AGBL4: variants seen among roughly 807,000 people sequenced by gnomAD.
AGBL4 encodes the protein cytosolic carboxypeptidase 6.
A neutral mutation model predicts 66.4 loss-of-function variants in AGBL4; 58 were observed. The observed-to-expected ratio is 0.87, with a 90% CI of 0.71 to 1.09. The LOEUF (loss-of-function observed/expected upper bound fraction) is 1.09. AGBL4 is among the 50% of genes least tolerant of loss of function. The probability of loss-of-function intolerance (pLI) is 0.00; values close to 1 mark genes in which losing one functional copy is unlikely to be tolerated. For missense variants in AGBL4, 579 were observed against 631.0 expected (o/e 0.92, Z 0.88); for synonymous variants, 234 against 222.9 (o/e 1.05, Z -0.44).
chr1:48,866,641 T>A (rs1648116963), intron 6 of AGBL4, among the ~76,000 whole-genome samples: 2 of 152,190 alleles, frequency 1.3e-5, no homozygotes, highest in Non-Finnish European at 2.9e-5. Context: ...AGGCCAGATG[T>A]CAGCTATAGA....
intron 4 of AGBL4, among the ~76,000 whole-genome samples, chr1:49,182,865 A>T (rs911076730): frequency 6.6e-6 from 1 of 152,172 alleles, no homozygotes; most frequent in African/African-American, 2.4e-5. Context: ...CCAAGAAATA[A>T]CAGATATTCA....
intron 1 of AGBL4, among the ~76,000 whole-genome samples, chr1:50,011,974 A>C (rs1661570399): frequency 1.3e-5 from 2 of 152,044 alleles, no homozygotes; most frequent in South Asian, 4.1e-4. Flanking sequence ...CCTGGCTAAC[A>C]AGGTGAAACC....
Position 49,935,366 on chromosome 1 carries a change from G to C in AGBL4, c.35-83848C>G, listed in dbSNP as rs963264258. On this transcript the variant is annotated intron_variant, in intron 1 of 13. Coordinates refer to ENST00000371839, the MANE Select transcript of AGBL4 (RefSeq NM_032785.4). ...TGGGTGGAGCCCACCACAGCTCAAGGTTGCCTGCCTGCCTCTGTAGGCTCC... is the reference window on the plus strand; with the variant it reads ...TGGGTGGAGCCCACCACAGCTCAAGCTTGCCTGCCTGCCTCTGTAGGCTCC... Among the ~76,000 whole-genome samples the C allele has an allele frequency of 1.2e-4, 19 of 152,342 alleles. 1 individual carries two copies. The highest frequency in any genetic ancestry group is 1.2e-3 in the East Asian group (6 of 5,172).
intron 2 of AGBL4, among the ~76,000 whole-genome samples, chr1:49,733,419 C>G (rs1044122922): frequency 6.6e-6 from 1 of 152,130 alleles, no homozygotes; most frequent in African/African-American, 2.4e-5. Context: ...GGCACAATAT[C>G]GTATAAGAAA....
chr1:49,787,681 G>C (rs1644493366), intron 2 of AGBL4, among the ~76,000 whole-genome samples: 1 of 152,080 alleles, frequency 6.6e-6, no homozygotes, highest in South Asian at 2.1e-4. Context: ...ACAGTGAAAG[G>C]ACACAAAGCA....
Position 49,316,125 on chromosome 1 carries a change from T to C in AGBL4, c.283-70261A>G, listed in dbSNP as rs557978480. On this transcript the variant is annotated intron_variant, in intron 3 of 13. Transcript: ENST00000371839. The stretch of plus-strand genomic sequence containing the variant: ...GAGAAGGGAGGGAGAAAGGGACGAA[T>C]AGGTGGAGCATAGGGAATTTTTAGG... Among the ~76,000 whole-genome samples, 8 of 151,974 alleles carry C rather than the reference T, an allele frequency of 5.3e-5. No homozygotes were observed. The South Asian group carries it at 1.0e-3, about 20-fold the overall frequency.
At chr1:48,695,703 A>C (rs967107637) in intron 6 of AGBL4, among the ~76,000 whole-genome samples, 1 of 152,184 alleles carries the variant, frequency 6.6e-6, no homozygotes, top group Non-Finnish European at 1.5e-5. Flanking sequence ...GGCCTCAGTG[A>C]GAGGGACTCA....
chr1:49,647,179 C>T (rs1461878611), intron 3 of AGBL4, among the ~76,000 whole-genome samples: 1 of 151,872 alleles, frequency 6.6e-6, no homozygotes, highest in Non-Finnish European at 1.5e-5. Flanking sequence ...ATAAATGAGA[C>T]ATCATCAAAA....
intron 3 of AGBL4, among the ~76,000 whole-genome samples, chr1:49,581,331 C>G (rs1440481829): frequency 6.6e-6 from 1 of 151,970 alleles, no homozygotes; most frequent in Non-Finnish European, 1.5e-5. Flanking sequence ...TTTGAGTTAT[C>G]TGGAATTTCA....
intron 3 of AGBL4, among the ~76,000 whole-genome samples, chr1:49,400,247 G>GT (rs1645056371): frequency 6.6e-6 from 1 of 152,082 alleles, no homozygotes; most frequent in African/African-American, 2.4e-5. Context: ...TATTATGTTT[G>GT]TTTTTATGCC....
intron 4 of AGBL4, among the ~76,000 whole-genome samples, chr1:49,120,122 A>G (rs1204465209): frequency 6.6e-6 from 1 of 151,860 alleles, no homozygotes; most frequent in African/African-American, 2.4e-5. Flanking sequence ...ATGGGTCTTG[A>G]CTCTATCCAA....
At chr1:48,983,860 G>A (rs1301192497) in intron 5 of AGBL4, among the ~76,000 whole-genome samples, 1 of 152,112 alleles carries the variant, frequency 6.6e-6, no homozygotes, top group Non-Finnish European at 1.5e-5. Flanking sequence ...AAAACAACCA[G>A]AATCAAATTT....
At chr1:48,750,647 C>T (rs747694519) in intron 6 of AGBL4, among the ~76,000 whole-genome samples, 9 of 152,146 alleles carry the variant, frequency 5.9e-5, no homozygotes, top group Admixed American at 2.6e-4. Context: ...GCACAGGGCT[C>T]GGAACAGAGG....
chr1:48,987,713 C>A (rs900067262), intron 5 of AGBL4, among the ~76,000 whole-genome samples: 2 of 152,038 alleles, frequency 1.3e-5, no homozygotes, highest in Admixed American at 1.3e-4. Flanking sequence ...ATATTTTTCT[C>A]AAGTACATGC....
chr1:49,024,743 G>A (rs1405212251), intron 5 of AGBL4, among the ~76,000 whole-genome samples: 2 of 152,036 alleles, frequency 1.3e-5, no homozygotes, highest in East Asian at 3.9e-4. Context: ...AGGGAGATAT[G>A]GTATTACAAA....
At chr1:49,820,513 C>T (rs1303006774) in intron 2 of AGBL4, among the ~76,000 whole-genome samples, 1 of 152,128 alleles carries the variant, frequency 6.6e-6, no homozygotes, top group Non-Finnish European at 1.5e-5. Context: ...TTATCTCCCT[C>T]CATTACGGAG....
chr1:49,368,320 T>C (rs1316469990), intron 3 of AGBL4, among the ~76,000 whole-genome samples: 2 of 152,212 alleles, frequency 1.3e-5, no homozygotes, highest in African/African-American at 4.8e-5. Flanking sequence ...GTTTAACTTA[T>C]TTTAAACAAC....
At chr1:49,878,270 C>G (rs544942282) in intron 1 of AGBL4, among the ~76,000 whole-genome samples, 4,094 of 149,654 alleles carry the variant, frequency 0.027, 169 homozygotes, top group African/African-American at 0.097. Context: ...AATTTTGGAT[C>G]TTTCCTGCTT....
chr1:48,613,464 C>T (rs1222630411), intron 9 of AGBL4, among the ~76,000 whole-genome samples: 1 of 152,126 alleles, frequency 6.6e-6, no homozygotes, highest in Non-Finnish European at 1.5e-5. Flanking sequence ...ACTATTCTTC[C>T]CTCCCTGTAA....
Sources: gnomAD v4.1 joint callset for allele counts (sites outside exome capture counted in the v4.1 genomes callset) on GRCh38, gnomAD v4.1.1 for gene constraint, MANE v1.5 for transcripts, NCBI Gene and HGNC (gene_info 2026-07-23, HGNC 2026-07-21) for gene names.